The following COL23A1 variants were observed in gnomAD, a reference collection of about 807,000 sequenced individuals.
The protein encoded by COL23A1 is collagen alpha-1(XXIII) chain.
In COL23A1, 97 loss-of-function variants were observed where a neutral mutation model predicts 99.3. That is an observed-to-expected ratio of 0.98 (90% CI 0.83 to 1.16). The LOEUF is 1.16. Ranked by LOEUF, COL23A1 falls within the 50% of genes most tolerant of loss-of-function variation. The probability of loss-of-function intolerance (pLI) is 0.00; values close to 1 mark genes in which losing one functional copy is unlikely to be tolerated. For missense variants in COL23A1, 762 were observed against 757.4 expected (o/e 1.01, Z -0.07); for synonymous variants, 320 against 308.2 (o/e 1.04, Z -0.40).
intron 2 of COL23A1, among the ~76,000 whole-genome samples, chr5:178,416,171 G>A (rs1243505538): frequency 6.6e-6 from 1 of 152,202 alleles, no homozygotes; most frequent in Non-Finnish European, 1.5e-5. Flanking sequence ...ATAGACAAGA[G>A]ATGAGCATCC....
At chr5:178,471,458 T>C (rs1018840311) in intron 2 of COL23A1, among the ~76,000 whole-genome samples, 14 of 152,188 alleles carry the variant, frequency 9.2e-5, no homozygotes, top group Admixed American at 5.9e-4. Context: ...AGGTTGGTCT[T>C]GAACTCCTGA....
intron 2 of COL23A1, among the ~76,000 whole-genome samples, chr5:178,357,586 G>C (rs1761730578): frequency 6.6e-6 from 1 of 152,230 alleles, no homozygotes; most frequent in Admixed American, 6.5e-5. Context: ...CCAGGGGCCA[G>C]CCTTTGACTC....
intron 2 of COL23A1, among the ~76,000 whole-genome samples, chr5:178,435,542 C>T (rs962922732): frequency 6.6e-6 from 1 of 152,240 alleles, no homozygotes; most frequent in Non-Finnish European, 1.5e-5. Context: ...AGCTCTGCCA[C>T]CTGACCTCAG....
At chr5:178,299,264 T>C (rs1028444613) in intron 3 of COL23A1, among the ~76,000 whole-genome samples, 2 of 152,246 alleles carry the variant, frequency 1.3e-5, no homozygotes, top group Non-Finnish European at 2.9e-5. Context: ...AATTCATCAG[T>C]GAAGCCATCC....
At chr5:178,488,306 G>A (rs1239065560) in intron 2 of COL23A1, among the ~76,000 whole-genome samples, 1 of 152,154 alleles carries the variant, frequency 6.6e-6, no homozygotes, top group Non-Finnish European at 1.5e-5. Context: ...CCTCTCCCCT[G>A]TCACCTGCCT....
At chr5:178,318,058 AC>A (rs1477778758) in intron 2 of COL23A1, among the ~76,000 whole-genome samples, 1 of 152,302 alleles carries the variant, frequency 6.6e-6, no homozygotes, top group South Asian at 2.1e-4. Context: ...ACACAGCCAC[AC>A]CGTATCAGGG....
chr5:178,331,666 C>T (rs987345832), intron 2 of COL23A1, among the ~76,000 whole-genome samples: 2 of 152,220 alleles, frequency 1.3e-5, no homozygotes, highest in Non-Finnish European at 2.9e-5. Flanking sequence ...AGTTTAGACA[C>T]ATGCGCCTGG....
At chr5:178,338,085 T>C (rs1760448592) in intron 2 of COL23A1, among the ~76,000 whole-genome samples, 1 of 151,730 alleles carries the variant, frequency 6.6e-6, no homozygotes. Flanking sequence ...ATCTTGGGAG[T>C]CTTGGGAGTA....
chr5:178,391,177 T>C (rs1383037521), intron 2 of COL23A1, among the ~76,000 whole-genome samples: 3 of 152,262 alleles, frequency 2.0e-5, no homozygotes, highest in African/African-American at 4.8e-5. Context: ...TATGAGAATC[T>C]AATGCCTCCA....
Position 178,365,041 on chromosome 5 carries a change from C to T in COL23A1, c.362-58122G>A, listed in dbSNP as rs1448220573. ...CCTGTCAGGCGAATAAACAGATGCA[C>T]AAGCAGATACAGCAGTAAAGAATAA... On this transcript the variant is annotated intron_variant, in intron 2 of 28. Coordinates refer to ENST00000390654, the MANE Select transcript of COL23A1 (RefSeq NM_173465.4). The surrounding 1 kb of genome is among the most constrained non-coding windows in gnomAD (Gnocchi z 5.2). Among the ~76,000 whole-genome samples the T allele has an allele frequency of 2.6e-5, 4 of 152,118 alleles. No homozygotes were observed. The highest frequency in any genetic ancestry group is 5.9e-5 in the Non-Finnish European group (4 of 68,038).
At chr5:178,514,474 G>C (rs979847922) in intron 2 of COL23A1, among the ~76,000 whole-genome samples, 3 of 152,194 alleles carry the variant, frequency 2.0e-5, no homozygotes, top group Non-Finnish European at 4.4e-5. Flanking sequence ...CATTTTGTGA[G>C]GATCCTCCAT....
chr5:178,257,677 C>T, intron 12 of COL23A1, 110 bp from the exon 13 acceptor site: 1 of 1,143,466 alleles, frequency 8.7e-7, no homozygotes, highest in Non-Finnish European at 1.3e-6. Flanking sequence ...TCTGCACTGG[C>T]ACATGGTACC....
rs140614629 is a variant in COL23A1 at position 178,340,992 on chromosome 5, T to A, written c.362-34073A>T. 6.3e-3 allele frequency among the ~76,000 whole-genome samples: 964 copies of A among 152,272 alleles called. 6 individuals carry two copies. Among genetic ancestry groups the A allele is most frequent in the South Asian group, 0.036 (173 of 4,824 alleles). On this transcript the variant is annotated intron_variant, in intron 2 of 28. Transcript: ENST00000390654. This position sits in a 1 kb window ranked among gnomAD's most constrained non-coding sequence, Gnocchi z 4.7. Reference sequence around the variant, plus strand: ...ATACCCACCAGCTCTATTTCCCCCATTATGAAGATGGAGGAACTGAGTCCC... The same window carrying A: ...ATACCCACCAGCTCTATTTCCCCCAATATGAAGATGGAGGAACTGAGTCCC...
rs185593993 is a variant in COL23A1, at chr5:178,326,529, C to T, written c.362-19610G>A. 9.2e-5 allele frequency among the ~76,000 whole-genome samples: 14 copies of T among 152,196 alleles called. No individual in the cohort carries two copies. The East Asian group carries it at 2.1e-3, about 23-fold the overall frequency. ...CAGACATGACACCCTGAGAAGAAAC[C>T]GTGAACATGTGGGCCCTGGCCATCT... is the stretch of plus-strand genomic sequence containing the variant. On this transcript the variant is annotated intron_variant, in intron 2 of 28. Coordinates refer to ENST00000390654, the MANE Select transcript of COL23A1 (RefSeq NM_173465.4).
Position 178,321,480 on chromosome 5 carries a change from C to CATTTTTTTTTTTTTTTTTTTTTTT in COL23A1, c.362-14562_362-14561insAAAAAAAAAAAAAAAAAAAAAAAT, listed in dbSNP as rs761651933. Among the ~76,000 whole-genome samples, 2 of 109,040 alleles carry CATTTTTTTTTTTTTTTTTTTTTTT rather than the reference C, an allele frequency of 1.8e-5. 1 individual carries two copies. Among genetic ancestry groups the CATTTTTTTTTTTTTTTTTTTTTTT allele is most frequent in the African/African-American group, 8.0e-5 (2 of 24,974 alleles). 71.5% of individuals were successfully genotyped at this position (109,040 alleles called of 152,430 possible). ...ACCTGTGATGACGAGGTCACCTTCC[C>CATTTTTTTTTTTTTTTTTTTTTTT]TTTTTTTTTTTTTTTTTTTTTTTTT... is the stretch of plus-strand genomic sequence containing the variant. On this transcript the variant is annotated intron_variant, in intron 2 of 28. Coordinates refer to ENST00000390654, the MANE Select transcript of COL23A1 (RefSeq NM_173465.4).
At chr5:178,458,719 A>G (rs546527520) in intron 2 of COL23A1, among the ~76,000 whole-genome samples, 1 of 152,346 alleles carries the variant, frequency 6.6e-6, no homozygotes, top group East Asian at 1.9e-4. Context: ...AAAAGGATCA[A>G]AATACCATTA....
chr5:178,417,187 C>T (rs574243804), intron 2 of COL23A1, among the ~76,000 whole-genome samples: 5 of 152,332 alleles, frequency 3.3e-5, no homozygotes, highest in African/African-American at 4.8e-5. Flanking sequence ...TCTTTCCCAA[C>T]GGATGGCTCT....
At chr5:178,550,746 G>A (rs1039282800) in intron 2 of COL23A1, among the ~76,000 whole-genome samples, 1 of 152,040 alleles carries the variant, frequency 6.6e-6, no homozygotes, top group African/African-American at 2.4e-5. Context: ...CTGGCATAGG[G>A]GGGCGTGTGA....
Position 178,281,791 on chromosome 5 carries a change from T to C in COL23A1, c.441+6533A>G, listed in dbSNP as rs1056558297. On this transcript the variant is annotated intron_variant, in intron 5 of 28. Transcript: ENST00000390654. This position sits in a 1 kb window ranked among gnomAD's most constrained non-coding sequence, Gnocchi z 4.0. ...TCGGCCAGGATTGGCAGCTCATGCC[T>C]GTAATCCTAGCACTTTGGGAGGCCG... Among the ~76,000 whole-genome samples the C allele has an allele frequency of 6.6e-6, 1 of 152,144 alleles. No homozygotes were observed. Among genetic ancestry groups the C allele is most frequent in the African/African-American group, 2.4e-5 (1 of 41,450 alleles).
Sources: allele counts gnomAD v4.1 joint callset (sites outside exome capture counted in the v4.1 genomes callset), GRCh38; gene constraint gnomAD v4.1.1; non-coding constraint Gnocchi (gnomAD v3.1); transcripts MANE v1.5; gene names NCBI Gene and HGNC (gene_info 2026-07-23, HGNC 2026-07-21).